Variants in AIM2 observed in about 807,000 individuals in gnomAD.
AIM2 encodes the protein absent in melanoma 2, also known as interferon-inducible protein AIM2.
In AIM2, 30 loss-of-function variants were observed where a neutral mutation model predicts 27.7. The observed-to-expected ratio is 1.08, with a 90% CI of 0.81 to 1.47. The LOEUF (loss-of-function observed/expected upper bound fraction) is 1.47. AIM2 is among the 40% of genes most tolerant of loss of function. The probability of loss-of-function intolerance (pLI) is 0.00; values close to 1 mark genes in which losing one functional copy is unlikely to be tolerated. For synonymous variants in AIM2, 141 were observed against 145.3 expected, an observed-to-expected ratio of 0.97 and a Z score of 0.21; for missense variants, 358 against 411.3, an observed-to-expected ratio of 0.87 and a Z score of 1.12.
At chr1:159,141,075 G>A (rs1301461692), upstream of AIM2, among the ~76,000 whole-genome samples, 1 of 152,138 alleles carries the variant, frequency 6.6e-6, no homozygotes, top group East Asian at 1.9e-4. Context: ...TGATGAGCTT[G>A]AGCGCAAAAA....
chr1:159,114,528 C>A (rs1413575963), intron 1 of AIM2, among the ~76,000 whole-genome samples: 6 of 152,124 alleles, frequency 3.9e-5, no homozygotes, highest in African/African-American at 1.4e-4. Flanking sequence ...ACCAGCCTGG[C>A]CACCATGGCA....
chr1:159,066,723 C>T (rs1656119543), intron 3 of AIM2, among the ~76,000 whole-genome samples: 1 of 152,136 alleles, frequency 6.6e-6, no homozygotes, highest in Admixed American at 6.5e-5. Flanking sequence ...TTTCTCTATC[C>T]AATACTGTCC....
At chr1:159,060,939 A>G (rs1053788931), downstream of AIM2, among the ~76,000 whole-genome samples, 6 of 152,238 alleles carry the variant, frequency 3.9e-5, no homozygotes, top group Middle Eastern at 3.2e-3. Flanking sequence ...TGTGGTAAGC[A>G]TATGTTTAAA....
At chr1:159,068,452 G>A (rs1201524668) in intron 3 of AIM2, 116 bp downstream of exon 3, 1 of 1,355,980 alleles carries the variant, frequency 7.4e-7, no homozygotes, top group Admixed American at 2.7e-5. Context: ...TTCATGCTGT[G>A]GCCTTGCTTC....
the AIM2 span, among the ~76,000 whole-genome samples, chr1:159,055,795 G>T: frequency 6.6e-6 from 1 of 152,174 alleles, no homozygotes; most frequent in Non-Finnish European, 1.5e-5. Context: ...CTGGTACTTG[G>T]CAATTATTTT....
chr1:159,086,016 A>G (rs560067350), intron 1 of AIM2, among the ~76,000 whole-genome samples: 173 of 152,332 alleles, frequency 1.1e-3, no homozygotes, highest in African/African-American at 3.8e-3. Context: ...TAAATATACA[A>G]TTTTTATTTG....
rs866800277 is a variant in AIM2 at position 159,121,715 on chromosome 1, G to C, written c.-16+18716C>G. 1.4e-4 allele frequency among the ~76,000 whole-genome samples: 22 copies of C among 152,292 alleles called. 1 individual carries two copies. In the Middle Eastern group the frequency reaches 0.01, roughly 71 times the overall value. On this transcript the variant is annotated intron_variant, in intron 1 of 2. Coordinates refer to the AIM2 transcript ENST00000368129. ...AAAGCTGACATTTCAAGGGCACTCTGCCAATTGGAAAGTCAGAACTAAACA... is the reference window on the plus strand; with the variant it reads ...AAAGCTGACATTTCAAGGGCACTCTCCCAATTGGAAAGTCAGAACTAAACA...
chr1:159,090,736 A>C (rs534931787), intron 1 of AIM2, among the ~76,000 whole-genome samples: 7 of 152,344 alleles, frequency 4.6e-5, no homozygotes, highest in African/African-American at 1.7e-4. Context: ...AACTGGAGAC[A>C]CAGATCCCTC....
At chr1:159,089,220 C>A (rs1248989525) in intron 1 of AIM2, among the ~76,000 whole-genome samples, 1 of 152,194 alleles carries the variant, frequency 6.6e-6, no homozygotes, top group Admixed American at 6.5e-5. Context: ...TCCTAACAAT[C>A]CTGCAAAGTG....
At chr1:159,098,900 A>T (rs1292638992) in intron 1 of AIM2, among the ~76,000 whole-genome samples, 1 of 152,198 alleles carries the variant, frequency 6.6e-6, no homozygotes, top group Non-Finnish European at 1.5e-5. Flanking sequence ...CTATGGAGAA[A>T]AAAACAGGAT....
At chr1:159,100,424 G>A (rs1657287564) in intron 1 of AIM2, among the ~76,000 whole-genome samples, 1 of 152,050 alleles carries the variant, frequency 6.6e-6, no homozygotes, top group Admixed American at 6.5e-5. Context: ...AGAAAAAGTA[G>A]GACCAAGGGA....
downstream of AIM2, among the ~76,000 whole-genome samples, chr1:159,057,871 A>C (rs1655711322): frequency 6.6e-6 from 1 of 152,252 alleles, no homozygotes; most frequent in South Asian, 2.1e-4. Context: ...ATAAAGTGCA[A>C]GAGGAATAAT....
chr1:159,076,268 A>G (rs1656606022), intron 1 of AIM2, among the ~76,000 whole-genome samples: 1 of 152,168 alleles, frequency 6.6e-6, no homozygotes, highest in African/African-American at 2.4e-5. Context: ...TATGTGATTG[A>G]CTCAGTTTTT....
chr1:159,068,492 A>T, intron 3 of AIM2, 76 bp downstream of exon 3: 1 of 1,507,454 alleles, frequency 6.6e-7, no homozygotes, highest in Non-Finnish European at 8.9e-7. Context: ...GATAAAGAAC[A>T]GAGAACAATA....
the AIM2 span, among the ~76,000 whole-genome samples, chr1:159,057,144 GCAGT>G: frequency 1.3e-5 from 2 of 152,144 alleles, no homozygotes; most frequent in African/African-American, 4.8e-5. Flanking sequence ...AGCAACCTTG[GCAGT>G]CAGCACCATG....
At chr1:159,136,627 A>G (rs948640311) in intron 1 of AIM2, among the ~76,000 whole-genome samples, 7 of 152,202 alleles carry the variant, frequency 4.6e-5, no homozygotes, top group African/African-American at 1.7e-4. Flanking sequence ...AAGCAAAGAG[A>G]TCCAACTAAC....
chr1:159,109,874 A>T (rs1303087363), intron 1 of AIM2, among the ~76,000 whole-genome samples: 1 of 152,184 alleles, frequency 6.6e-6, no homozygotes, highest in Non-Finnish European at 1.5e-5. Flanking sequence ...CTTACTCCTG[A>T]AAGAATGGCC....
intron 1 of AIM2, among the ~76,000 whole-genome samples, chr1:159,107,250 T>C (rs747481836): frequency 1.3e-5 from 2 of 152,158 alleles, no homozygotes; most frequent in Non-Finnish European, 2.9e-5. Flanking sequence ...AGCCACAGTT[T>C]AGGTAGGTTT....
intron 1 of AIM2, among the ~76,000 whole-genome samples, chr1:159,136,665 T>C (rs553635928): frequency 2.3e-4 from 35 of 152,348 alleles, no homozygotes; most frequent in African/African-American, 7.9e-4. Flanking sequence ...TTCAAAGATA[T>C]TCTATTCCAT....
Sources: gnomAD v4.1 joint callset for allele counts (sites outside exome capture counted in the v4.1 genomes callset) on GRCh38, gnomAD v4.1.1 for gene constraint, MANE v1.5 for transcripts, NCBI Gene and HGNC (gene_info 2026-07-23, HGNC 2026-07-21) for gene names.